Variants in STK32C observed in about 807,000 individuals in gnomAD.
STK32C encodes serine/threonine kinase 32C.
Under a neutral mutation model 56.5 loss-of-function variants are expected in STK32C, and 31 were observed. The ratio of observed to expected loss-of-function variants is 0.55; its 90% CI spans 0.41 to 0.74. STK32C has a LOEUF of 0.74. Ranked by LOEUF, STK32C falls within the 30% of genes least tolerant of loss-of-function variation. The probability of loss-of-function intolerance (pLI) is 0.00; values close to 1 mark genes in which losing one functional copy is unlikely to be tolerated. For missense variants in STK32C, 544 were observed against 676.9 expected (o/e 0.80, Z 2.18); for synonymous variants, 309 against 289.4 (o/e 1.07, Z -0.69).
chr10:132,296,556 C>T (rs551170721), intron 1 of STK32C, among the ~76,000 whole-genome samples: 4 of 152,146 alleles, frequency 2.6e-5, no homozygotes, highest in South Asian at 2.1e-4. Flanking sequence ...TTTTCCAGTA[C>T]GAACTGGGAG....
intron 1 of STK32C, among the ~76,000 whole-genome samples, chr10:132,286,758 C>A (rs1441873739): frequency 6.6e-6 from 1 of 152,132 alleles, no homozygotes; most frequent in South Asian, 2.1e-4. Context: ...ATTTCCTCTA[C>A]CTGATAAAAA....
intron 1 of STK32C, among the ~76,000 whole-genome samples, chr10:132,282,725 C>T (rs2065253009): frequency 6.6e-6 from 1 of 152,282 alleles, no homozygotes; most frequent in African/African-American, 2.4e-5. Flanking sequence ...GATCACCCAG[C>T]TGTCTGAGTA....
intron 1 of STK32C, among the ~76,000 whole-genome samples, chr10:132,266,590 C>CA (rs2064538320): frequency 6.6e-6 from 1 of 152,250 alleles, no homozygotes; most frequent in Non-Finnish European, 1.5e-5. Context: ...AACTGAGGCT[C>CA]ACTGAGGTTA....
intron 1 of STK32C, among the ~76,000 whole-genome samples, chr10:132,328,063 AC>A (rs1463041905): frequency 1.3e-5 from 2 of 152,194 alleles, no homozygotes; most frequent in Non-Finnish European, 2.9e-5. Context: ...TGCTGCCTAG[AC>A]AGAGCCCATT....
chr10:132,320,801 T>C (rs1419409101), downstream of STK32C, among the ~76,000 whole-genome samples: 1 of 152,230 alleles, frequency 6.6e-6, no homozygotes, highest in Admixed American at 6.5e-5. Context: ...AATGTGACTA[T>C]ATTTGGAAAT....
chr10:132,321,964 A>G (rs528648307), downstream of STK32C, among the ~76,000 whole-genome samples: 2 of 152,114 alleles, frequency 1.3e-5, no homozygotes, highest in African/African-American at 2.4e-5. Context: ...GGGCTGTTGC[A>G]CTTGAGAATT....
At chr10:132,228,151 G>T (rs2062960617) in intron 2 of STK32C, 23 bp from the exon 3 acceptor site, 1 of 1,613,810 alleles carries the variant, frequency 6.2e-7, no homozygotes, top group East Asian at 2.2e-5. Flanking sequence ...GGGCTGTTCG[G>T]CAGGACGCCT....
At chr10:132,301,533 G>A (rs530132862) in intron 1 of STK32C, among the ~76,000 whole-genome samples, 2 of 152,306 alleles carry the variant, frequency 1.3e-5, no homozygotes, top group African/African-American at 2.4e-5. Flanking sequence ...CAGTGGGCTC[G>A]GGGACACAGG....
intron 1 of STK32C, among the ~76,000 whole-genome samples, chr10:132,331,055 G>A (rs946974900): frequency 6.6e-6 from 1 of 151,294 alleles, no homozygotes; most frequent in African/African-American, 2.4e-5. Context: ...ACAAAAATTA[G>A]CTGGACGTGG....
At chr10:132,224,270 C>G (rs1158929676) in intron 8 of STK32C, 137 bp downstream of exon 8, 5 of 681,220 alleles carry the variant, frequency 7.3e-6, no homozygotes, top group South Asian at 1.7e-5. Context: ...GAGGCCCCCA[C>G]AGGTTGCAGT....
intron 1 of STK32C, among the ~76,000 whole-genome samples, chr10:132,298,531 A>C (rs968657338): frequency 2.6e-5 from 4 of 152,024 alleles, no homozygotes; most frequent in African/African-American, 9.7e-5. Context: ...TCCTAACAGG[A>C]CATGCTGGGA....
At chr10:132,325,889 T>C (rs895112901) in intron 1 of STK32C, among the ~76,000 whole-genome samples, 7 of 151,992 alleles carry the variant, frequency 4.6e-5, no homozygotes, top group African/African-American at 1.7e-4. Flanking sequence ...GCCCAGCTAA[T>C]TTTTTGTATT....
intron 1 of STK32C, among the ~76,000 whole-genome samples, chr10:132,299,129 C>G (rs530480113): frequency 6.7e-6 from 1 of 149,910 alleles, no homozygotes; most frequent in Non-Finnish European, 1.5e-5. Context: ...TGGACTGAGA[C>G]CCCAGCAGCA....
intron 1 of STK32C, among the ~76,000 whole-genome samples, chr10:132,302,326 T>C (rs2065932695): frequency 1.3e-5 from 2 of 152,196 alleles, no homozygotes; most frequent in African/African-American, 2.4e-5. Flanking sequence ...ACCAGATGGA[T>C]AGACACGCAG....
chr10:132,276,616 C>T (rs1398272417), intron 1 of STK32C, among the ~76,000 whole-genome samples: 2 of 116,262 alleles, frequency 1.7e-5, no homozygotes, highest in East Asian at 4.7e-4. Context: ...ACCCCCATCT[C>T]TGAAAAAAAA....
chr10:132,248,355 C>T (rs536589370), intron 1 of STK32C, among the ~76,000 whole-genome samples: 2 of 152,324 alleles, frequency 1.3e-5, no homozygotes, highest in Admixed American at 6.5e-5. Context: ...GGACAGACCT[C>T]GGAGTCTGCG....
chr10:132,318,347 G>A (rs1180469392), intron 1 of STK32C, among the ~76,000 whole-genome samples: 3 of 152,072 alleles, frequency 2.0e-5, no homozygotes, highest in Non-Finnish European at 4.4e-5. Context: ...CAGGCACGGT[G>A]GCTCACGCTT....
intron 2 of STK32C, among the ~76,000 whole-genome samples, chr10:132,228,867 G>A (rs1387027793): frequency 6.6e-6 from 1 of 152,264 alleles, no homozygotes; most frequent in Non-Finnish European, 1.5e-5. Context: ...CACACAGAGT[G>A]AGCGTGGGGC....
chr10:132,252,453 G>A (rs755867464), intron 1 of STK32C, among the ~76,000 whole-genome samples: 3 of 152,392 alleles, frequency 2.0e-5, no homozygotes, highest in East Asian at 1.9e-4. Context: ...GATTTACGCC[G>A]TGCAGTGATG....
Sources: gnomAD v4.1 joint callset for allele counts (sites outside exome capture counted in the v4.1 genomes callset) on GRCh38, gnomAD v4.1.1 for gene constraint, MANE v1.5 for transcripts, NCBI Gene and HGNC (gene_info 2026-07-23, HGNC 2026-07-21) for gene names.